The following WDR72 variants were observed in gnomAD, a reference collection of about 807,000 sequenced individuals.
The protein encoded by WDR72 is WD repeat-containing protein 72.
Under a neutral mutation model 124.2 loss-of-function variants are expected in WDR72, and 120 were observed. That is an observed-to-expected ratio of 0.97 (90% CI 0.83 to 1.12). The LOEUF is 1.12. Among genes scored for constraint, WDR72 ranks in the 50% most tolerant of loss-of-function variants. The pLI is 0.00. For synonymous variants in WDR72, 452 were observed against 441.7 expected, an observed-to-expected ratio of 1.02 and a Z score of -0.29; for missense variants, 1,387 against 1,278.8, an observed-to-expected ratio of 1.08 and a Z score of -1.29.
chr15:53,663,362 C>T (rs914480936), intron 14 of WDR72, among the ~76,000 whole-genome samples: 1 of 151,962 alleles, frequency 6.6e-6, no homozygotes, highest in African/African-American at 2.4e-5. Context: ...AAATTGTAGT[C>T]ATCTAAGGCA....
At position 53,686,890 on chromosome 15, in the gene WDR72, G is replaced by A. The variant is rs1054112131; in HGVS notation, c.1765+12860C>T. Among the ~76,000 whole-genome samples, 15 of 151,830 alleles carry A rather than the reference G, an allele frequency of 9.9e-5. No homozygotes were observed. The East Asian group carries it at 1.2e-3, about 12-fold the overall frequency. On this transcript the variant is annotated intron_variant, in intron 13 of 19. Coordinates refer to ENST00000360509, the MANE Select transcript of WDR72 (RefSeq NM_182758.4). ...CAGACCACAGTGCAATCAAACTAGA[G>A]CTCAGGATTAAGAATCTCACTCAAA... is the stretch of plus-strand genomic sequence containing the variant.
At chr15:53,713,647 G>A (rs909034406) in intron 6 of WDR72, among the ~76,000 whole-genome samples, 5 of 151,424 alleles carry the variant, frequency 3.3e-5, no homozygotes, top group Non-Finnish European at 5.9e-5. Flanking sequence ...TAGTAGAGAC[G>A]AGGTTTCACC....
chr15:53,744,410 A>C (rs2018591446), intron 1 of WDR72, among the ~76,000 whole-genome samples: 1 of 152,226 alleles, frequency 6.6e-6, no homozygotes. Flanking sequence ...ACCTCCCAGT[A>C]ATGCAGTCCT....
Position 53,525,239 on chromosome 15 carries a change from T to C in WDR72, c.3149-1917A>G, listed in dbSNP as rs532083344. On this transcript the variant is annotated intron_variant, in intron 18 of 19. Transcript: ENST00000360509. The stretch of plus-strand genomic sequence containing the variant: ...TTCATTCAGAATACTATTATGTTGG[T>C]CAAGATTTCCTGGCCTACTTTAATG... Among the ~76,000 whole-genome samples the C allele has an allele frequency of 2.6e-5, 4 of 152,214 alleles. No homozygotes were observed. The East Asian group carries it at 7.7e-4, about 29-fold the overall frequency.
chr15:53,531,248 G>A lies in WDR72; in HGVS notation c.3149-7926C>T, dbSNP rs548240995. Among the ~76,000 whole-genome samples the A allele has an allele frequency of 3.3e-5, 5 of 152,064 alleles. No homozygotes were observed. In the East Asian group the frequency reaches 9.7e-4, roughly 29 times the overall value. On this transcript the variant is annotated intron_variant, in intron 18 of 19. Coordinates refer to ENST00000360509, the MANE Select transcript of WDR72 (RefSeq NM_182758.4). ...ACTTAAAAACATATTGAGATTGAAC[G>A]AAAGACATGCTTGGATGCTAACAAG...
chr15:53,549,674 A>T (rs1893646005), intron 18 of WDR72, among the ~76,000 whole-genome samples: 2 of 152,270 alleles, frequency 1.3e-5, no homozygotes, highest in South Asian at 4.1e-4. Flanking sequence ...GGTTAATTAC[A>T]CCAATATAAA....
At chr15:53,567,331 T>G (rs905830766) in intron 18 of WDR72, among the ~76,000 whole-genome samples, 14 of 152,086 alleles carry the variant, frequency 9.2e-5, no homozygotes, top group African/African-American at 3.4e-4. Context: ...TACAATAGAT[T>G]TGAGGGGAAG....
At chr15:53,760,254 ATAG>A (rs776074652), upstream of WDR72, among the ~76,000 whole-genome samples, 28 of 152,156 alleles carry the variant, frequency 1.8e-4, no homozygotes, top group Non-Finnish European at 4.0e-4. Context: ...GTGCCACCAA[ATAG>A]TAGGTCTTAT....
intron 14 of WDR72, among the ~76,000 whole-genome samples, chr15:53,644,091 G>C (rs117443561): frequency 6.6e-6 from 1 of 152,064 alleles, no homozygotes; most frequent in Non-Finnish European, 1.5e-5. Flanking sequence ...GATGAAAACA[G>C]TGTATCCATC....
chr15:53,522,791 G>A (rs1227666598), intron 19 of WDR72, among the ~76,000 whole-genome samples: 1 of 151,996 alleles, frequency 6.6e-6, no homozygotes, highest in Non-Finnish European at 1.5e-5. Context: ...TTACAGTCCT[G>A]TTTGTTTCTA....
intron 13 of WDR72, among the ~76,000 whole-genome samples, chr15:53,671,127 GA>G (rs1380070209): frequency 1.2e-4 from 19 of 152,132 alleles, no homozygotes; most frequent in African/African-American, 4.6e-4. Context: ...ACCTGCTCAT[GA>G]TTTTTTTTTA....
Position 53,618,868 on chromosome 15 carries a change from C to T in WDR72, c.1963-2625G>A, listed in dbSNP as rs184017378. On this transcript the variant is annotated intron_variant, in intron 14 of 19. Transcript: ENST00000360509. ...CATCCCATTATCCCCTTATGGGACTCTGATCAGGTATTTGCCAAAGGCTGT... is the reference window on the plus strand; with the variant it reads ...CATCCCATTATCCCCTTATGGGACTTTGATCAGGTATTTGCCAAAGGCTGT... Among the ~76,000 whole-genome samples the T allele has an allele frequency of 2.0e-5, 3 of 152,186 alleles. No individual in the cohort carries two copies. The East Asian group carries it at 5.8e-4, about 29-fold the overall frequency.
intron 18 of WDR72, among the ~76,000 whole-genome samples, chr15:53,550,038 G>A (rs1893665890): frequency 6.6e-6 from 1 of 152,098 alleles, no homozygotes; most frequent in Non-Finnish European, 1.5e-5. Context: ...AATTAAACCA[G>A]AAAAACCTGT....
intron 1 of WDR72, among the ~76,000 whole-genome samples, chr15:53,740,307 A>AT (rs57166942): frequency 8.4e-4 from 112 of 132,628 alleles, no homozygotes; most frequent in Middle Eastern, 3.6e-3. Context: ...GATTCAACTA[A>AT]TTTTTTTTTT....
chr15:53,521,677 T>A (rs961998457), intron 19 of WDR72, among the ~76,000 whole-genome samples: 6 of 152,030 alleles, frequency 3.9e-5, no homozygotes, highest in Non-Finnish European at 8.8e-5. Context: ...TGATGGAAAT[T>A]TATTCTACTT....
chr15:53,713,411 G>T (rs2447048), intron 6 of WDR72, among the ~76,000 whole-genome samples: 24 of 88,672 alleles, frequency 2.7e-4, no homozygotes, highest in African/African-American at 6.1e-4. Flanking sequence ...TTATTTTGTT[G>T]TATTTTATTT....
intron 18 of WDR72, among the ~76,000 whole-genome samples, chr15:53,592,669 C>A (rs577943600): frequency 9.1e-4 from 139 of 152,144 alleles, no homozygotes; most frequent in African/African-American, 3.2e-3. Flanking sequence ...TTAAATTCAG[C>A]CAATAATTCC....
intron 11 of WDR72, among the ~76,000 whole-genome samples, chr15:53,703,080 ATT>A: frequency 6.6e-6 from 1 of 150,990 alleles, no homozygotes; most frequent in East Asian, 2.0e-4. Flanking sequence ...TGCCCAGCTA[ATT>A]TTTGTTTTTT....
At chr15:53,609,451 T>C in intron 17 of WDR72, 62 bp downstream of exon 17, 3 of 1,400,026 alleles carry the variant, frequency 2.1e-6, no homozygotes, top group Non-Finnish European at 1.0e-6. Context: ...GAGGGGGGTA[T>C]CCATGAACCA....
Sources: gnomAD v4.1 joint callset for allele counts (sites outside exome capture counted in the v4.1 genomes callset) on GRCh38, gnomAD v4.1.1 for gene constraint, MANE v1.5 for transcripts, NCBI Gene and HGNC (gene_info 2026-07-23, HGNC 2026-07-21) for gene names.